Variants in MYH15 observed in about 807,000 individuals in gnomAD.
The protein encoded by MYH15 is myosin heavy chain 15, also known as myosin-15.
MYH15 carries 227 observed loss-of-function variants against 240.5 expected under a neutral mutation model. That is an observed-to-expected ratio of 0.94 (90% confidence interval 0.85 to 1.05). The LOEUF (loss-of-function observed/expected upper bound fraction) is 1.05, where lower values mean the gene tolerates loss of function less well. Among genes scored for constraint, MYH15 ranks in the 50% least tolerant of loss-of-function variants. MYH15 has a pLI of 0.00. For synonymous variants in MYH15, 785 were observed against 796.7 expected, an observed-to-expected ratio of 0.99 and a Z score of 0.25; for missense variants, 2,217 against 2,247.5, an observed-to-expected ratio of 0.99 and a Z score of 0.27.
upstream of MYH15, among the ~76,000 whole-genome samples, chr3:108,513,466 C>T (rs539155459): frequency 1.3e-5 from 2 of 152,260 alleles, no homozygotes; most frequent in African/African-American, 4.8e-5. Flanking sequence ...ACTTCTAGGA[C>T]CTAGCTCTGC....
At chr3:108,469,937 C>T in intron 14 of MYH15, 105 bp downstream of exon 14, 1 of 1,121,182 alleles carries the variant, frequency 8.9e-7, no homozygotes, top group Non-Finnish European at 1.2e-6. Context: ...TTTCCGCCCC[C>T]ATTTCCCATC....
At chr3:108,398,530 C>T (rs1169390888) in intron 35 of MYH15, 107 bp downstream of exon 35, 3 of 1,075,566 alleles carry the variant, frequency 2.8e-6, no homozygotes, top group African/African-American at 1.6e-5. Context: ...ACAGGCACAT[C>T]CAAGACTTAA....
At chr3:108,404,757 T>C (rs1308437862) in intron 33 of MYH15, among the ~76,000 whole-genome samples, 8 of 152,180 alleles carry the variant, frequency 5.3e-5, no homozygotes, top group Admixed American at 4.6e-4. Flanking sequence ...TTCAAACAAA[T>C]GGCTACAGGT....
At chr3:108,404,277 G>A (rs572221952) in intron 33 of MYH15, among the ~76,000 whole-genome samples, 114 of 152,132 alleles carry the variant, frequency 7.5e-4, no homozygotes, top group African/African-American at 2.6e-3. Flanking sequence ...ATGGGCTGTG[G>A]GAAAGAGGTC....
In MYH15 at chr3:108,398,555, A is replaced by G. The variant is rs775884090; in HGVS notation, c.5133+82T>C. On this transcript the variant is annotated intron_variant, in intron 35 of 40. Coordinates refer to ENST00000693548, the MANE Select transcript of MYH15 (RefSeq NM_014981.3). ...CCAAGACTTAACAGGGCGACTGTGC[A>G]TGGTCCAAGGCCGCCCCAAGTGTGG... The G allele has an allele frequency of 7.8e-5, 106 of 1,366,480 alleles. 1 individual carries two copies. The highest frequency in any genetic ancestry group is 1.1e-4 in the Non-Finnish European group (102 of 958,108). 84.6% of individuals were successfully genotyped at this position (1,366,480 alleles called of 1,614,324 possible). A position where few individuals can be genotyped will look rare whatever the true frequency, so the allele number is the denominator to read the frequency against.
chr3:108,414,150 T>G (rs2082615530), intron 30 of MYH15, 82 bp downstream of exon 30: 2 of 1,430,262 alleles, frequency 1.4e-6, no homozygotes, highest in East Asian at 2.3e-5. Context: ...GTGCATACCA[T>G]GAGGCCTTGG....
intron 6 of MYH15, among the ~76,000 whole-genome samples, chr3:108,497,601 G>T (rs756582662): frequency 6.6e-6 from 1 of 152,036 alleles, no homozygotes. Flanking sequence ...ACATTGAGGG[G>T]TATATTCATT....
intron 1 of MYH15, among the ~76,000 whole-genome samples, chr3:108,526,090 G>A (rs2083668128): frequency 6.6e-6 from 1 of 152,046 alleles, no homozygotes. Context: ...TCATTCAGAA[G>A]GACGACTTCT....
intron 27 of MYH15, among the ~76,000 whole-genome samples, chr3:108,422,151 C>G (rs2082688680): frequency 6.6e-6 from 1 of 151,810 alleles, no homozygotes; most frequent in Non-Finnish European, 1.5e-5. Flanking sequence ...TGGTGGTGGT[C>G]TTCCATGGTT....
chr3:108,437,644 A>G lies in MYH15; in HGVS notation c.3131T>C (p.Leu1044Pro), dbSNP rs1242678200. 6.2e-7 allele frequency: 1 copy of G among 1,614,094 alleles called. No individual in the cohort carries two copies. The highest frequency in any genetic ancestry group is 8.5e-7 in the Non-Finnish European group (1 of 1,180,004). Reference protein sequence around the residue: ...RKARMNCERELHKLEGNLKLN... With the variant: ...RKARMNCEREPHKLEGNLKLN... ...CTTTAAATTGCCCTCCAGTTTGTGC[A>G]GTTCCCTTTCACAGTTCATTCTCGC... Residue 1044 changes from leucine (L) to proline (P), a missense_variant, in exon 25 of 41, where the codon CTG (leucine) becomes CCG (proline). Transcript: ENST00000693548.
intron 11 of MYH15, among the ~76,000 whole-genome samples, 156 bp from the exon 12 acceptor site, chr3:108,476,671 C>T (rs1158676335): frequency 2.0e-5 from 3 of 152,106 alleles, no homozygotes; most frequent in Non-Finnish European, 1.5e-5. Flanking sequence ...TGCCTGAATC[C>T]TAAAAGTTTA....
intron 14 of MYH15, among the ~76,000 whole-genome samples, chr3:108,468,667 A>G (rs2083143572): frequency 6.6e-6 from 1 of 152,226 alleles, no homozygotes; most frequent in Non-Finnish European, 1.5e-5. Context: ...ACAGGAAATT[A>G]CATCCGTGAT....
In MYH15 at chr3:108,394,249, G is replaced by A. The variant is rs1016445181; in HGVS notation, c.5134-93C>T. The A allele has an allele frequency of 9.9e-5, 150 of 1,512,008 alleles. 1 individual carries two copies. Among genetic ancestry groups the A allele is most frequent in the Admixed American group, 1.2e-4 (7 of 56,144 alleles). The allele number at this position is 1,512,008 out of a possible 1,614,324, so 93.7% of individuals were successfully genotyped here. A position where few individuals can be genotyped will look rare whatever the true frequency, so the allele number is the denominator to read the frequency against. ...AGGACATGCAATGGGAGTCAGCTCT[G>A]GCCAGAAGCAAATTTTATTATAGTG... On this transcript the variant is annotated intron_variant, in intron 35 of 40. Coordinates refer to ENST00000693548, the MANE Select transcript of MYH15 (RefSeq NM_014981.3).
intron 33 of MYH15, among the ~76,000 whole-genome samples, chr3:108,401,634 C>T (rs1409656757): frequency 1.3e-5 from 2 of 152,218 alleles, no homozygotes; most frequent in Non-Finnish European, 2.9e-5. Flanking sequence ...CACAGGAACA[C>T]TGAAGCATCC....
At chr3:108,521,523 T>C (rs929023228) in intron 1 of MYH15, among the ~76,000 whole-genome samples, 39 of 152,196 alleles carry the variant, frequency 2.6e-4, no homozygotes, top group African/African-American at 9.1e-4. Context: ...CACTGAGCAA[T>C]AAAAGAATAG....
chr3:108,470,404 GATT>G (rs2083162522), intron 13 of MYH15, among the ~76,000 whole-genome samples, 192 bp from the exon 14 acceptor site: 3 of 151,932 alleles, frequency 2.0e-5, no homozygotes, highest in South Asian at 2.1e-4. Context: ...ATTTTCTAAA[GATT>G]ATTACAATAA....
At chr3:108,550,386 CTT>C in the MYH15 span, 1 of 151,228 alleles carries the variant, frequency 6.6e-6, no homozygotes, top group Non-Finnish European at 1.5e-5. Context: ...TCATAAGAAA[CTT>C]ATAATTAATT....
intron 33 of MYH15, among the ~76,000 whole-genome samples, chr3:108,401,189 C>G (rs1416618877): frequency 6.6e-6 from 1 of 152,112 alleles, no homozygotes; most frequent in African/African-American, 2.4e-5. Flanking sequence ...TTGCCGTAAC[C>G]CCCAAGACTT....
intron 40 of MYH15, among the ~76,000 whole-genome samples, chr3:108,383,061 T>C (rs2082354752): frequency 6.6e-6 from 1 of 151,980 alleles, no homozygotes; most frequent in Non-Finnish European, 1.5e-5. Flanking sequence ...CAAAGAGACA[T>C]AGAAAGATCC....
Sources: allele counts gnomAD v4.1 joint callset (sites outside exome capture counted in the v4.1 genomes callset), GRCh38; gene constraint gnomAD v4.1.1; transcripts MANE v1.5; gene names NCBI Gene and HGNC (gene_info 2026-07-23, HGNC 2026-07-21).